Variants in TJAP1 observed in about 807,000 individuals in gnomAD.
TJAP1 encodes tight junction associated protein 1.
In TJAP1, 27 loss-of-function variants were observed where a neutral mutation model predicts 42.0. The ratio of observed to expected loss-of-function variants is 0.64; its 90% confidence interval spans 0.47 to 0.89. The LOEUF (loss-of-function observed/expected upper bound fraction) is 0.89, where lower values mean the gene tolerates loss of function less well. Ranked by LOEUF, TJAP1 falls within the 40% of genes least tolerant of loss-of-function variation. The pLI is 0.00. For synonymous variants in TJAP1, 257 were observed against 288.4 expected (o/e 0.89, Z 1.10); for missense variants, 712 against 726.9 (o/e 0.98, Z 0.24).
chr6:43,502,289 G>C lies in TJAP1; in HGVS notation c.297G>C (p.Gln99His), dbSNP rs1324593832. 3 of 1,613,778 alleles carry C rather than the reference G, an allele frequency of 1.9e-6. No homozygotes were observed. In the African/African-American group the frequency reaches 4.0e-5, roughly 22 times the overall value. Reference sequence around the variant, plus strand: ...TTGTATTATCCCTTTTCAGGCTGCAGAACAGCTACACGGCTTCCCAGCGGA... The same window carrying C: ...TTGTATTATCCCTTTTCAGGCTGCACAACAGCTACACGGCTTCCCAGCGGA... The change falls in exon 7 of 11, where the codon CAG becomes CAC. Residue 99 changes from glutamine (Q) to histidine (H), a missense_variant. This residue lies in a region of TJAP1 where 158 missense variants were observed against 182.1 expected (regional missense o/e 0.87). Transcript: ENST00000372449.
In TJAP1 at chr6:43,505,305, T is replaced by G; in HGVS notation, c.1124T>G (p.Val375Gly). The G allele has an allele frequency of 1.2e-6, 2 of 1,610,932 alleles. No homozygotes were observed. The highest frequency in any genetic ancestry group is 1.7e-6 in the Non-Finnish European group (2 of 1,179,660). ...AGTGAGCGGGCCCGCCCCAGCCCAGTGCCCAGCACCCCTGCCTCAGCCCAG... is the reference window on the plus strand; with the variant it reads ...AGTGAGCGGGCCCGCCCCAGCCCAGGGCCCAGCACCCCTGCCTCAGCCCAG... The change falls in exon 11 of 11, where the codon GTG becomes GGG. Residue 375 changes from valine (V) to glycine (G), a missense_variant. Coordinates refer to ENST00000372449, the Ensembl canonical transcript of TJAP1. The surrounding 1 kb of genome is among the most constrained non-coding windows in gnomAD (Gnocchi z 5.5).
chr6:43,503,696 AG>A lies in TJAP1; in HGVS notation c.570del (p.Lys190AsnfsTer32). 6.2e-7 allele frequency: 1 copy of A among 1,614,100 alleles called. No homozygotes were observed. ...AACAAGTCCCACTTCCGAAACCACA[AG>A]TTTGCCGATGTGAGTAGAACTCACC... is the stretch of plus-strand genomic sequence containing the variant. On this transcript the variant is annotated frameshift_variant, in exon 10 of 11. Transcript: ENST00000372449. LOFTEE classifies it high-confidence loss of function.
intron 5 of TJAP1, 107 bp downstream of exon 5, chr6:43,500,879 A>G: frequency 2.1e-6 from 3 of 1,398,338 alleles, no homozygotes; most frequent in Non-Finnish European, 3.0e-6. Context: ...GGTAGAAATA[A>G]AGGTTGGGAT....
chr6:43,483,236 G>C (rs1386595639), intron 2 of TJAP1, among the ~76,000 whole-genome samples: 5 of 152,192 alleles, frequency 3.3e-5, no homozygotes, highest in African/African-American at 4.8e-5. Context: ...CTGGGGTCCA[G>C]ACCCAGACCA....
chr6:43,503,724 C>T lies in TJAP1; in HGVS notation c.579+18C>T, dbSNP rs372025880. The T allele has an allele frequency of 6.2e-7, 1 of 1,610,508 alleles. No individual in the cohort carries two copies. The highest frequency in any genetic ancestry group is 8.5e-7 in the Non-Finnish European group (1 of 1,176,708). ...TTGCCGATGTGAGTAGAACTCACCC[C>T]CTCCCTGCCCACATAGACCATTCCG... is the stretch of plus-strand genomic sequence containing the variant. On this transcript the variant is annotated intron_variant, in intron 10 of 10. Transcript: ENST00000372449.
At chr6:43,496,805 C>T (rs1259906160) in intron 2 of TJAP1, among the ~76,000 whole-genome samples, 3 of 152,362 alleles carry the variant, frequency 2.0e-5, no homozygotes, top group African/African-American at 7.2e-5. Flanking sequence ...AGAAGGCCAC[C>T]TGAGGTTACT....
intron 10 of TJAP1, 116 bp from the exon 11 acceptor site, chr6:43,504,645 A>T (rs908431533): frequency 5.5e-5 from 71 of 1,301,190 alleles, no homozygotes; most frequent in Non-Finnish European, 7.3e-5. Flanking sequence ...AACAGGAGAT[A>T]GCAGAGTGCT....
intron 2 of TJAP1, among the ~76,000 whole-genome samples, chr6:43,486,747 A>G (rs1431110334): frequency 6.6e-6 from 1 of 151,992 alleles, no homozygotes; most frequent in Non-Finnish European, 1.5e-5. Flanking sequence ...TGCCCTTTCT[A>G]TTGCCCACTG....
chr6:43,496,726 G>C (rs1296688705), intron 2 of TJAP1, among the ~76,000 whole-genome samples: 1 of 150,970 alleles, frequency 6.6e-6, no homozygotes, highest in East Asian at 2.0e-4. Context: ...GCTTTAGCCC[G>C]CAAGGCTTCC....
intron 2 of TJAP1, among the ~76,000 whole-genome samples, chr6:43,487,200 T>C (rs892842785): frequency 6.6e-6 from 1 of 152,124 alleles, no homozygotes; most frequent in Admixed American, 6.5e-5. Context: ...TGTGAGAAGC[T>C]TCTGTGCTGT....
At chr6:43,504,889 A>G in exon 11 of TJAP1, 1 of 1,614,178 alleles carries the variant, frequency 6.2e-7, no homozygotes, top group Non-Finnish European at 8.5e-7. Flanking sequence ...CCCGAGTGTT[A>G]GAGAAGCCGG....
chr6:43,501,153 G>T, intron 5 of TJAP1: 1 of 374,584 alleles, frequency 2.7e-6, no homozygotes, highest in South Asian at 4.0e-5. Flanking sequence ...TAATGGAGAA[G>T]CCTGATTGTG....
intron 2 of TJAP1, among the ~76,000 whole-genome samples, chr6:43,487,376 C>T (rs1786768817): frequency 1.3e-5 from 2 of 152,268 alleles, no homozygotes; most frequent in South Asian, 4.1e-4. Context: ...CACAGGTAGC[C>T]CAAGTAGGGA....
Position 43,505,227 on chromosome 6 carries a change from A to G in TJAP1, c.1046A>G (p.Asn349Ser), listed in dbSNP as rs1232398927. 6 of 1,613,902 alleles carry G rather than the reference A, an allele frequency of 3.7e-6. No homozygotes were observed. The highest frequency in any genetic ancestry group is 1.3e-5 in the African/African-American group (1 of 74,874). ...ATCCCCCGCAACAGCCCCCTGCCCAACTGCACTTACGCTACCCGCCAGGCC... is the reference window on the plus strand; with the variant it reads ...ATCCCCCGCAACAGCCCCCTGCCCAGCTGCACTTACGCTACCCGCCAGGCC... Residue 349 changes from asparagine to serine, a missense_variant, in exon 11 of 11, where the codon AAC becomes AGC. Around this residue, in one of 3 missense-constraint regions of TJAP1, gnomAD observed 549 missense variants for 528.2 expected, o/e 1.04. Coordinates refer to ENST00000372449, the Ensembl canonical transcript of TJAP1. This position sits in a 1 kb window ranked among gnomAD's most constrained non-coding sequence, Gnocchi z 5.5.
rs1336350945 is a variant in TJAP1 at position 43,501,925 on chromosome 6, ACACT to A, written c.290+240_290+243del. 4.1e-3 allele frequency among the ~76,000 whole-genome samples: 415 copies of A among 102,272 alleles called. 13 individuals are homozygous for A. Among genetic ancestry groups the A allele is most frequent in the Middle Eastern group, 0.015 (3 of 200 alleles). 67.1% of individuals were successfully genotyped at this position (102,272 alleles called of 152,430 possible). On this transcript the variant is annotated intron_variant, in intron 6 of 10. Transcript: ENST00000372449. ...CACACACACACACACACACACACAC[ACACT>A]CTCTCTCTCTCTCTCTCTCTCTCTC...
At chr6:43,497,464 ATCT>A (rs1432931239) in intron 2 of TJAP1, 4 of 152,048 alleles carry the variant, frequency 2.6e-5, no homozygotes, top group Non-Finnish European at 5.9e-5. Context: ...CATTTTCTCT[ATCT>A]TCTTGGATCT....
At chr6:43,483,249 A>G (rs1395200773) in intron 2 of TJAP1, among the ~76,000 whole-genome samples, 1 of 152,206 alleles carries the variant, frequency 6.6e-6, no homozygotes, top group African/African-American at 2.4e-5. Context: ...CCAGACCATT[A>G]GCCTGAGTTG....
intron 10 of TJAP1, 122 bp downstream of exon 10, chr6:43,503,828 C>T (rs1375572810): frequency 1.2e-6 from 1 of 844,658 alleles, no homozygotes; most frequent in Non-Finnish European, 2.0e-6. Context: ...CCTCTTGCCT[C>T]CATGTCACCT....
chr6:43,505,805 C>T lies in TJAP1; in HGVS notation c.1624C>T (p.Arg542Cys), dbSNP rs556401786. The change falls in exon 11 of 11, where the codon CGC becomes TGC. Residue 542 changes from arginine to cysteine, a missense_variant. Around this residue, in one of 3 missense-constraint regions of TJAP1, gnomAD observed 549 missense variants for 528.2 expected, o/e 1.04. Transcript: ENST00000372449. The surrounding 1 kb of genome is among the most constrained non-coding windows in gnomAD (Gnocchi z 5.5). ...GAGGATGGGGGTTCACCACCTGCAC[C>T]GCAAGGACAGCCTGACCCAGGCCCA... The T allele has an allele frequency of 4.7e-5, 70 of 1,500,290 alleles. 1 individual carries two copies. In the South Asian group the frequency reaches 6.6e-4, roughly 14 times the overall value. 92.9% of individuals were successfully genotyped at this position (1,500,290 alleles called of 1,614,324 possible).
Sources: gnomAD v4.1 joint callset for allele counts (sites outside exome capture counted in the v4.1 genomes callset) on GRCh38, gnomAD v4.1.1 for gene constraint, gnomAD v4.1.1 regional missense constraint, Gnocchi (gnomAD v3.1) non-coding constraint, MANE v1.5 for transcripts, NCBI Gene and HGNC (gene_info 2026-07-23, HGNC 2026-07-21) for gene names.